The following CPQ variants were observed in gnomAD, a reference collection of about 807,000 sequenced individuals.
CPQ encodes carboxypeptidase Q.
Under a neutral mutation model 45.7 loss-of-function variants are expected in CPQ, and 37 were observed. The ratio of observed to expected loss-of-function variants is 0.81; its 90% CI spans 0.62 to 1.07. The LOEUF is 1.07. CPQ is among the 50% of genes least tolerant of loss of function. The pLI, the probability that CPQ is intolerant of heterozygous loss-of-function variation, is 0.00. For missense variants in CPQ, 537 were observed against 572.9 expected (o/e 0.94, Z 0.64); for synonymous variants, 186 against 205.8 (o/e 0.90, Z 0.82).
chr8:96,993,417 G>A lies in CPQ; in HGVS notation c.961+27371G>A, dbSNP rs1809128096. On this transcript the variant is annotated intron_variant, in intron 5 of 7. Transcript: ENST00000220763. ...TACAAAAATAATGATGTGGGTCCTG[G>A]TCTTTATAGGTCTAATGGGTGGTAG... is the stretch of plus-strand genomic sequence containing the variant. Among the ~76,000 whole-genome samples the A allele has an allele frequency of 2.0e-5, 3 of 152,012 alleles. No individual in the cohort carries two copies. The South Asian group carries it at 6.2e-4, about 32-fold the overall frequency.
intron 2 of CPQ, among the ~76,000 whole-genome samples, chr8:96,825,614 A>G (rs1318223592): frequency 6.6e-6 from 1 of 152,058 alleles, no homozygotes; most frequent in East Asian, 1.9e-4. Flanking sequence ...GAAATCCAGA[A>G]AATTTTCATG....
At chr8:96,908,778 C>CA in intron 4 of CPQ, among the ~76,000 whole-genome samples, 1 of 145,098 alleles carries the variant, frequency 6.9e-6, no homozygotes, top group East Asian at 2.0e-4. Flanking sequence ...CACACACACA[C>CA]CATATATTCT....
chr8:96,984,860 T>C (rs1461743165), intron 5 of CPQ, among the ~76,000 whole-genome samples: 1 of 152,198 alleles, frequency 6.6e-6, no homozygotes, highest in African/African-American at 2.4e-5. Flanking sequence ...TCAGCTGTTA[T>C]GATTTAGTTA....
At chr8:96,830,726 G>C (rs566026434) in intron 2 of CPQ, among the ~76,000 whole-genome samples, 12 of 152,074 alleles carry the variant, frequency 7.9e-5, no homozygotes, top group African/African-American at 2.9e-4. Context: ...TAAGAGATTG[G>C]GACCTAGTGT....
chr8:96,942,024 G>A (rs1034363035), intron 4 of CPQ, among the ~76,000 whole-genome samples: 3 of 152,136 alleles, frequency 2.0e-5, no homozygotes, highest in Non-Finnish European at 4.4e-5. Context: ...ATATGAGCTG[G>A]AATGTTTATC....
chr8:96,715,918 G>A (rs1373123032), intron 1 of CPQ, among the ~76,000 whole-genome samples: 2 of 152,236 alleles, frequency 1.3e-5, no homozygotes, highest in Non-Finnish European at 2.9e-5. Context: ...TTCCAGTGAT[G>A]TGAACTGTCC....
At chr8:96,871,650 T>G (rs753735013) in intron 3 of CPQ, among the ~76,000 whole-genome samples, 3 of 151,672 alleles carry the variant, frequency 2.0e-5, no homozygotes, top group Non-Finnish European at 1.5e-5. Context: ...TGACTGTAGT[T>G]TCTCAAAGAA....
intron 1 of CPQ, among the ~76,000 whole-genome samples, chr8:96,784,399 T>TGGCGGGGGGGGGGG (rs1554566980): frequency 2.3e-5 from 3 of 128,208 alleles, no homozygotes; most frequent in African/African-American, 8.7e-5. Context: ...TGTTCTGAGG[T>TGGCGGGGGGGGGGG]GGGGGGGGGG....
chr8:97,108,588 G>A (rs1321546395), intron 7 of CPQ, among the ~76,000 whole-genome samples: 1 of 152,166 alleles, frequency 6.6e-6, no homozygotes, highest in Middle Eastern at 3.2e-3. Flanking sequence ...TTTCTGAATA[G>A]TCAAGTGATT....
chr8:96,782,537 T>G (rs538184240), intron 1 of CPQ, among the ~76,000 whole-genome samples: 1 of 152,262 alleles, frequency 6.6e-6, no homozygotes, highest in South Asian at 2.1e-4. Context: ...GGTCATTTTC[T>G]TATTGTCTTG....
At chr8:96,859,249 C>G (rs1041842705) in intron 3 of CPQ, among the ~76,000 whole-genome samples, 1 of 152,174 alleles carries the variant, frequency 6.6e-6, no homozygotes, top group Non-Finnish European at 1.5e-5. Context: ...GATTGTAATT[C>G]TTTGTCTCCT....
intron 1 of CPQ, among the ~76,000 whole-genome samples, chr8:96,707,577 CT>C (rs1260307651): frequency 6.6e-6 from 1 of 152,006 alleles, no homozygotes; most frequent in African/African-American, 2.4e-5. Context: ...TGAGGCACCC[CT>C]GATCTAGATC....
At chr8:96,835,234 G>T in intron 3 of CPQ, 54 bp downstream of exon 3, 1 of 1,332,168 alleles carries the variant, frequency 7.5e-7, no homozygotes, top group South Asian at 2.0e-5. Flanking sequence ...TTTCCGTGAA[G>T]GAAAAGTCCT....
At chr8:96,775,473 A>G (rs1202922816) in intron 1 of CPQ, among the ~76,000 whole-genome samples, 1 of 152,160 alleles carries the variant, frequency 6.6e-6, no homozygotes, top group Middle Eastern at 3.2e-3. Flanking sequence ...CAAGTGATAC[A>G]AGGGTATGGT....
rs1196375571 is a variant in CPQ, at chr8:96,963,671, T to TA, written c.850-2257dup. 2.0e-5 allele frequency among the ~76,000 whole-genome samples: 3 copies of TA among 152,154 alleles called. No homozygotes were observed. The East Asian group carries it at 5.8e-4, about 29-fold the overall frequency. ...CATACATATCAATCTGTAAAACTTC[T>TA]AAAAAAATTATATTGAAGTATAATA... On this transcript the variant is annotated intron_variant, in intron 4 of 7. Coordinates refer to ENST00000220763, the MANE Select transcript of CPQ (RefSeq NM_016134.4).
At chr8:97,099,115 CTTTTTTTTTTTTTTT>C (rs34830752) in intron 7 of CPQ, among the ~76,000 whole-genome samples, 1,119 of 66,386 alleles carry the variant, frequency 0.017, 29 homozygotes, top group African/African-American at 0.065. Context: ...CCTTCTCTCT[CTTTTTTTTTTTTTTT>C]TTTTTTTTTT....
intron 1 of CPQ, among the ~76,000 whole-genome samples, chr8:96,749,704 TG>T (rs1476320412): frequency 2.0e-5 from 3 of 152,180 alleles, no homozygotes; most frequent in African/African-American, 4.8e-5. Flanking sequence ...TGTTTAGTAC[TG>T]GGTGTTGGCT....
intron 5 of CPQ, among the ~76,000 whole-genome samples, chr8:96,992,238 C>T (rs1032065846): frequency 7.2e-5 from 11 of 152,184 alleles, no homozygotes; most frequent in Admixed American, 2.6e-4. Context: ...AATGTGGCTT[C>T]TGCCTGAGGA....
chr8:96,669,518 A>G (rs949753257), intron 1 of CPQ, among the ~76,000 whole-genome samples: 3 of 152,216 alleles, frequency 2.0e-5, no homozygotes, highest in African/African-American at 7.2e-5. Context: ...TCATAACATA[A>G]TATAAATATC....
Sources: gnomAD v4.1 joint callset for allele counts (sites outside exome capture counted in the v4.1 genomes callset) on GRCh38, gnomAD v4.1.1 for gene constraint, MANE v1.5 for transcripts, NCBI Gene and HGNC (gene_info 2026-07-23, HGNC 2026-07-21) for gene names.